Variants in MYBL1 observed in about 807,000 individuals in gnomAD.
MYBL1 encodes the protein myb-related protein A.
A neutral mutation model predicts 96.3 loss-of-function variants in MYBL1; 17 were observed. The ratio of observed to expected loss-of-function variants is 0.18; its 90% confidence interval spans 0.12 to 0.26. The LOEUF (loss-of-function observed/expected upper bound fraction) is 0.26, where lower values mean the gene tolerates loss of function less well. Ranked by LOEUF, MYBL1 falls within the 10% of genes least tolerant of loss-of-function variation. The pLI, the probability that MYBL1 is intolerant of heterozygous loss-of-function variation, is 1.00. For synonymous variants in MYBL1, 282 were observed against 292.7 expected, an observed-to-expected ratio of 0.96 and a Z score of 0.37; for missense variants, 701 against 882.9, an observed-to-expected ratio of 0.79 and a Z score of 2.61.
At chr8:66,585,602 G>T (rs1442871019) in intron 8 of MYBL1, among the ~76,000 whole-genome samples, 1 of 152,050 alleles carries the variant, frequency 6.6e-6, no homozygotes, top group African/African-American at 2.4e-5. Context: ...AATTAGCTGG[G>T]CGTGGTGGCA....
chr8:66,572,997 C>T (rs1808795724), intron 11 of MYBL1, among the ~76,000 whole-genome samples: 1 of 151,992 alleles, frequency 6.6e-6, no homozygotes, highest in South Asian at 2.1e-4. Flanking sequence ...GGCAGATCAC[C>T]TGAGGTCAGA....
At chr8:66,579,757 T>G (rs1809124410) in intron 9 of MYBL1, among the ~76,000 whole-genome samples, 1 of 152,146 alleles carries the variant, frequency 6.6e-6, no homozygotes, top group African/African-American at 2.4e-5. Flanking sequence ...AGTGTATTTT[T>G]GGGTTTAAAA....
At chr8:66,592,566 A>G in intron 7 of MYBL1, 22 bp from the exon 8 acceptor site, 1 of 1,370,262 alleles carries the variant, frequency 7.3e-7, no homozygotes, top group Non-Finnish European at 1.0e-6. Flanking sequence ...TAAATAAAAG[A>G]GAAAACAGGA....
intron 14 of MYBL1, 101 bp from the exon 15 acceptor site, chr8:66,566,344 C>A: frequency 1.5e-6 from 1 of 652,658 alleles, no homozygotes; most frequent in Non-Finnish European, 2.4e-6. Context: ...TTATTTCCCT[C>A]CAAGAAAGCA....
chr8:66,568,807 A>G (rs1217227534), intron 12 of MYBL1, among the ~76,000 whole-genome samples: 2 of 151,792 alleles, frequency 1.3e-5, no homozygotes, highest in African/African-American at 4.8e-5. Context: ...CGGGCAGATC[A>G]CGAGGTCAGG....
intron 1 of MYBL1, among the ~76,000 whole-genome samples, chr8:66,607,129 CAAAAAAA>C (rs1226149503): frequency 8.0e-6 from 1 of 124,950 alleles, no homozygotes; most frequent in Non-Finnish European, 1.8e-5. Context: ...GTTAAAACAA[CAAAAAAA>C]AAAAAAAAAA....
intron 9 of MYBL1, among the ~76,000 whole-genome samples, chr8:66,576,903 G>C (rs1027354898): frequency 2.6e-5 from 4 of 152,048 alleles, no homozygotes; most frequent in Non-Finnish European, 4.4e-5. Flanking sequence ...TTCATCCCTG[G>C]GATGCAAGGC....
At chr8:66,600,483 A>G (rs1810025992) in intron 3 of MYBL1, among the ~76,000 whole-genome samples, 1 of 152,210 alleles carries the variant, frequency 6.6e-6, no homozygotes, top group African/African-American at 2.4e-5. Context: ...ATGCTAATGT[A>G]AATAACTTTT....
Position 66,586,591 on chromosome 8 carries a change from A to T in MYBL1, c.867+5849T>A, listed in dbSNP as rs1809431851. Among the ~76,000 whole-genome samples the T allele has an allele frequency of 3.9e-5, 6 of 152,254 alleles. No individual in the cohort carries two copies. In the South Asian group the frequency reaches 1.2e-3, roughly 32 times the overall value. On this transcript the variant is annotated intron_variant, in intron 8 of 15. Coordinates refer to ENST00000522677, the MANE Select transcript of MYBL1 (RefSeq NM_001080416.4). ...TCTACTGTTGGAAGGAATGTAAATT[A>T]GTACAGCCATTATCAAAAACACTAT...
At chr8:66,568,135 G>T (rs1455908396) in intron 12 of MYBL1, among the ~76,000 whole-genome samples, 2 of 151,148 alleles carry the variant, frequency 1.3e-5, no homozygotes, top group African/African-American at 4.9e-5. Flanking sequence ...AGAGAGAATG[G>T]TATTCATATA....
intron 12 of MYBL1, among the ~76,000 whole-genome samples, chr8:66,569,453 G>A (rs1395498519): frequency 7.3e-5 from 11 of 151,288 alleles, no homozygotes; most frequent in Admixed American, 5.3e-4. Flanking sequence ...AGGGTCAAGC[G>A]ATCCTCCCAC....
In MYBL1 at chr8:66,576,153, T is replaced by C. The variant is rs201161076; in HGVS notation, c.1324A>G (p.Thr442Ala). The C allele has an allele frequency of 3.4e-4, 556 of 1,613,724 alleles. 2 individuals carry two copies. The highest frequency in any genetic ancestry group is 1.6e-4 in the Middle Eastern group (1 of 6,084). ...TTCTTTCTGAGGATGGCTGGTGGAGTGCTAAACTTGGCTATATTTGGGGAT... is the reference window on the plus strand; with the variant it reads ...TTCTTTCTGAGGATGGCTGGTGGAGCGCTAAACTTGGCTATATTTGGGGAT... Reference protein sequence around the residue: ...LTSPNIAKFSTPPAILRKKRK... With the variant: ...LTSPNIAKFSAPPAILRKKRK... Residue 442 changes from threonine to alanine, a missense_variant, in exon 10 of 16, where the codon ACT becomes GCT. Transcript: ENST00000522677.
chr8:66,572,047 G>A (rs370841472), intron 12 of MYBL1, among the ~76,000 whole-genome samples: 23 of 150,194 alleles, frequency 1.5e-4, no homozygotes, highest in African/African-American at 5.4e-4. Context: ...GGTGGCTCAC[G>A]CTTGTAATCC....
intron 8 of MYBL1, among the ~76,000 whole-genome samples, chr8:66,584,251 C>T (rs1299283400): frequency 3.9e-5 from 6 of 152,118 alleles, no homozygotes; most frequent in Admixed American, 3.9e-4. Flanking sequence ...TATGACAAAA[C>T]CACAGCCAAC....
Position 66,592,963 on chromosome 8 carries a change from C to T in MYBL1, c.762+157G>A, listed in dbSNP as rs200586352. Among the ~76,000 whole-genome samples the T allele has an allele frequency of 6.6e-5, 10 of 152,256 alleles. No homozygotes were observed. In the East Asian group the frequency reaches 1.7e-3, roughly 26 times the overall value. On this transcript the variant is annotated intron_variant, in intron 7 of 15. Transcript: ENST00000522677. The stretch of plus-strand genomic sequence containing the variant: ...TGTACAGTTTATATTTCTTCAAACT[C>T]ACTTACACACTTTCTTCTTTATAGT...
Position 66,566,163 on chromosome 8 carries a change from T to C in MYBL1, c.2031A>G (p.Glu677=). The C allele has an allele frequency of 6.5e-7, 1 of 1,537,236 alleles. No individual in the cohort carries two copies. The highest frequency in any genetic ancestry group is 8.8e-7 in the Non-Finnish European group (1 of 1,132,856). The change falls in exon 15 of 16, where the codon GAA becomes GAG. Residue 677 remains glutamate, a synonymous_variant. Coordinates refer to ENST00000522677, the MANE Select transcript of MYBL1 (RefSeq NM_001080416.4). ...IHDNRCNLIP[E]KQDINSTNKT... ...TGTTGGTTGAATTTATATCTTGTTT[T>C]TCAGGAATCAAGTTGCACCTATTGT... is the stretch of plus-strand genomic sequence containing the variant.
chr8:66,587,691 G>C (rs75926884), intron 8 of MYBL1, among the ~76,000 whole-genome samples: 3,773 of 152,250 alleles, frequency 0.025, 165 homozygotes, highest in African/African-American at 0.085. Context: ...ATGTGGTTTG[G>C]AGGGAACTCC....
chr8:66,601,752 CTTCT>C lies in MYBL1; in HGVS notation c.140_143del (p.Lys47SerfsTer13). 1 of 1,528,716 alleles carries C rather than the reference CTTCT, an allele frequency of 6.5e-7. No individual in the cohort carries two copies. Among genetic ancestry groups the C allele is most frequent in the South Asian group, 1.2e-5 (1 of 82,732 alleles). The allele number at this position is 1,528,716 out of a possible 1,614,324, so 94.7% of individuals were successfully genotyped here. On this transcript the variant is annotated frameshift_variant, in exon 3 of 16. Transcript: ENST00000522677. LOFTEE classifies it high-confidence loss of function. The stretch of plus-strand genomic sequence containing the variant: ...CATCAGTTCCATGTTGTTCAACCAA[CTTCT>C]TTAATTTATCATCCTATTAAAACAG...
At chr8:66,606,589 G>A (rs1810319935) in intron 1 of MYBL1, among the ~76,000 whole-genome samples, 1 of 152,122 alleles carries the variant, frequency 6.6e-6, no homozygotes, top group South Asian at 2.1e-4. Context: ...TCCTTTGTAG[G>A]AACGTCTAAC....
Sources: allele counts gnomAD v4.1 joint callset (sites outside exome capture counted in the v4.1 genomes callset), GRCh38; gene constraint gnomAD v4.1.1; transcripts MANE v1.5; gene names NCBI Gene and HGNC (gene_info 2026-07-23, HGNC 2026-07-21).